RBFOX1: variants seen among roughly 807,000 people sequenced by gnomAD.
The protein encoded by RBFOX1 is RNA binding fox-1 homolog 1, also known as RNA binding protein fox-1 homolog 1.
Under a neutral mutation model 57.7 loss-of-function variants are expected in RBFOX1, and 8 were observed. The ratio of observed to expected loss-of-function variants is 0.14; its 90% CI spans 0.08 to 0.25. The LOEUF (loss-of-function observed/expected upper bound fraction) is 0.25, where lower values mean the gene tolerates loss of function less well. Among genes scored for constraint, RBFOX1 ranks in the 10% least tolerant of loss-of-function variants. The probability of loss-of-function intolerance (pLI) is 1.00; values close to 1 mark genes in which losing one functional copy is unlikely to be tolerated. For synonymous variants in RBFOX1, 326 were observed against 222.4 expected, an observed-to-expected ratio of 1.47 and a Z score of -4.15; for missense variants, 611 against 548.5, an observed-to-expected ratio of 1.11 and a Z score of -1.14.
chr16:6,849,833 T>A (rs906561423), intron 3 of RBFOX1, among the ~76,000 whole-genome samples: 3 of 152,314 alleles, frequency 2.0e-5, no homozygotes, highest in South Asian at 2.1e-4. Context: ...CCTCTTTTCT[T>A]TGTCCGTTGT....
chr16:6,605,711 G>T (rs1220102617), intron 2 of RBFOX1, among the ~76,000 whole-genome samples: 1 of 152,202 alleles, frequency 6.6e-6, no homozygotes, highest in East Asian at 1.9e-4. Context: ...TAGATGCTGT[G>T]TCAGCGAACA....
intron 5 of RBFOX1, among the ~76,000 whole-genome samples, chr16:7,545,066 A>G (rs2084045559): frequency 6.6e-6 from 1 of 152,228 alleles, no homozygotes; most frequent in Non-Finnish European, 1.5e-5. Context: ...AAGAGCAAGC[A>G]TGCAGAATAA....
intron 2 of RBFOX1, among the ~76,000 whole-genome samples, chr16:5,579,194 C>G (rs559345096): frequency 1.2e-4 from 19 of 152,170 alleles, no homozygotes; most frequent in African/African-American, 4.3e-4. Flanking sequence ...TGCTATCGCC[C>G]CACCCAACTT....
intron 4 of RBFOX1, among the ~76,000 whole-genome samples, chr16:7,223,327 G>T (rs141896312): frequency 2.0e-5 from 3 of 152,336 alleles, no homozygotes; most frequent in Admixed American, 6.5e-5. Context: ...ATTTTTCCGT[G>T]AGGATAGAAT....
intron 4 of RBFOX1, among the ~76,000 whole-genome samples, chr16:7,418,677 C>G (rs1363360524): frequency 6.6e-6 from 1 of 152,162 alleles, no homozygotes; most frequent in Admixed American, 6.5e-5. Flanking sequence ...TACTCCCTTA[C>G]TTTTGCAAAC....
At chr16:7,303,076 GAAGCCCC>G (rs1468715796) in intron 4 of RBFOX1, among the ~76,000 whole-genome samples, 1 of 152,206 alleles carries the variant, frequency 6.6e-6, no homozygotes. Flanking sequence ...TGGGCTGGGA[GAAGCCCC>G]CTTCCAGTCG....
intron 4 of RBFOX1, among the ~76,000 whole-genome samples, chr16:7,495,669 A>T (rs1056276304): frequency 3.9e-5 from 6 of 152,092 alleles, no homozygotes; most frequent in Non-Finnish European, 8.8e-5. Context: ...GCATGTGCAG[A>T]ATTTATTCAA....
chr16:6,218,171 T>A (rs909640588), intron 1 of RBFOX1, among the ~76,000 whole-genome samples: 1 of 152,198 alleles, frequency 6.6e-6, no homozygotes, highest in African/African-American at 2.4e-5. Context: ...CACGTGCATT[T>A]TCAGTAGAAT....
intron 2 of RBFOX1, among the ~76,000 whole-genome samples, chr16:6,534,348 C>T (rs2096706544): frequency 6.6e-6 from 1 of 152,000 alleles, no homozygotes; most frequent in South Asian, 2.1e-4. Flanking sequence ...CTTTATGGTT[C>T]TAGTTTTATG....
rs567880621 is a variant in RBFOX1, at chr16:6,624,742, C to T, written c.-63-29861C>T. On this transcript the variant is annotated intron_variant, in intron 2 of 15. Transcript: ENST00000550418. ...AAGAAGAAGAAAAAGGCTGGAAACT[C>T]ACTCCTCCTGCTGTTCTTATGTCAA... Among the ~76,000 whole-genome samples the T allele has an allele frequency of 6.6e-5, 10 of 152,258 alleles. No individual in the cohort carries two copies. The South Asian group carries it at 8.3e-4, about 13-fold the overall frequency.
chr16:5,745,630 C>A (rs2052949593), intron 3 of RBFOX1, among the ~76,000 whole-genome samples: 1 of 152,172 alleles, frequency 6.6e-6, no homozygotes, highest in South Asian at 2.1e-4. Context: ...TTAATGATCG[C>A]CATTGTAACT....
intron 3 of RBFOX1, among the ~76,000 whole-genome samples, chr16:6,804,741 G>A (rs1355471480): frequency 6.6e-6 from 1 of 152,136 alleles, no homozygotes; most frequent in African/African-American, 2.4e-5. Flanking sequence ...CTTCATGAGA[G>A]CCCTAGAATG....
intron 3 of RBFOX1, among the ~76,000 whole-genome samples, chr16:6,907,057 A>G (rs1419376336): frequency 6.6e-6 from 1 of 152,126 alleles, no homozygotes; most frequent in South Asian, 2.1e-4. Flanking sequence ...ATAATTGTTT[A>G]TGATCTCCAT....
intron 3 of RBFOX1, among the ~76,000 whole-genome samples, chr16:6,962,023 G>A (rs533683601): frequency 6.6e-6 from 1 of 152,088 alleles, no homozygotes; most frequent in Non-Finnish European, 1.5e-5. Flanking sequence ...ATTTTACCCA[G>A]CCCCTATTCA....
At chr16:6,665,352 G>A (rs1358187534) in intron 3 of RBFOX1, among the ~76,000 whole-genome samples, 2 of 152,172 alleles carry the variant, frequency 1.3e-5, no homozygotes, top group Admixed American at 6.5e-5. Flanking sequence ...GGTGGCTCAC[G>A]CCTATAATGC....
intron 4 of RBFOX1, among the ~76,000 whole-genome samples, chr16:7,482,207 C>G (rs2064139346): frequency 6.6e-6 from 1 of 152,200 alleles, no homozygotes; most frequent in Admixed American, 6.5e-5. Context: ...ATGCAGAACG[C>G]TGGGCACAGT....
chr16:6,854,308 A>G (rs1054432774), intron 3 of RBFOX1, among the ~76,000 whole-genome samples: 5 of 152,164 alleles, frequency 3.3e-5, no homozygotes, highest in African/African-American at 1.2e-4. Context: ...ATATGACTGT[A>G]TTAGGAAGGA....
intron 2 of RBFOX1, among the ~76,000 whole-genome samples, chr16:5,485,042 G>A (rs549500725): frequency 1.3e-5 from 2 of 150,776 alleles, no homozygotes; most frequent in South Asian, 4.2e-4. Context: ...CTAGGTGAGA[G>A]CCTGTCTCAG....
At chr16:7,690,977 G>A (rs1208552145) in intron 14 of RBFOX1, among the ~76,000 whole-genome samples, 5 of 152,076 alleles carry the variant, frequency 3.3e-5, no homozygotes, top group Non-Finnish European at 5.9e-5. Context: ...TGCACTTACC[G>A]ATTGATGAAA....
Sources: gnomAD v4.1 joint callset for allele counts (sites outside exome capture counted in the v4.1 genomes callset) on GRCh38, gnomAD v4.1.1 for gene constraint, MANE v1.5 for transcripts, NCBI Gene and HGNC (gene_info 2026-07-23, HGNC 2026-07-21) for gene names.